The following SUPT3H variants were observed in gnomAD, a reference collection of about 807,000 sequenced individuals.
The protein encoded by SUPT3H is transcription initiation protein SPT3 homolog.
In SUPT3H, 44 loss-of-function variants were observed where a neutral mutation model predicts 44.3. The ratio of observed to expected loss-of-function variants is 0.99; its 90% CI spans 0.78 to 1.28. SUPT3H has a LOEUF of 1.28. SUPT3H is among the 50% of genes most tolerant of loss of function. The pLI is 0.00. For synonymous variants in SUPT3H, 124 were observed against 125.6 expected, an observed-to-expected ratio of 0.99 and a Z score of 0.09; for missense variants, 380 against 387.1, an observed-to-expected ratio of 0.98 and a Z score of 0.15.
chr6:45,116,821 C>T (rs60008411), intron 2 of SUPT3H, among the ~76,000 whole-genome samples: 3,747 of 152,190 alleles, frequency 0.025, 167 homozygotes, highest in African/African-American at 0.085. Context: ...TCACCACAAT[C>T]TAGTTTCAGA....
intron 3 of SUPT3H, among the ~76,000 whole-genome samples, chr6:45,037,917 C>T (rs1466394982): frequency 6.6e-6 from 1 of 151,728 alleles, no homozygotes; most frequent in Non-Finnish European, 1.5e-5. Flanking sequence ...ACTTTTCTTA[C>T]TTTTACACTA....
chr6:44,838,017 T>C (rs1561861086), intron 10 of SUPT3H, among the ~76,000 whole-genome samples: 1 of 152,204 alleles, frequency 6.6e-6, no homozygotes, highest in African/African-American at 2.4e-5. Context: ...GCAATAGCTG[T>C]TTGCCAATGG....
chr6:45,061,020 T>C (rs546883093), intron 3 of SUPT3H, among the ~76,000 whole-genome samples: 13 of 152,224 alleles, frequency 8.5e-5, no homozygotes, highest in African/African-American at 2.2e-4. Flanking sequence ...AGTTTGACCA[T>C]AGTGGAAGAC....
chr6:45,128,756 G>A (rs1802948108), intron 2 of SUPT3H, among the ~76,000 whole-genome samples: 1 of 150,092 alleles, frequency 6.7e-6, no homozygotes, highest in Admixed American at 6.6e-5. Context: ...CACAATCTTG[G>A]CTCACTGCAA....
chr6:44,962,172 T>C lies in SUPT3H; in HGVS notation c.505-344A>G, dbSNP rs117627859. ...AACAGAAAAACTGTTACAAATATTA[T>C]TGTCAATCTGCTTTAAAGCTGTGAT... On this transcript the variant is annotated intron_variant, in intron 6 of 10. Transcript: ENST00000371459. Among the ~76,000 whole-genome samples, 63 of 152,324 alleles carry C rather than the reference T, an allele frequency of 4.1e-4. No homozygotes were observed. The East Asian group carries it at 9.3e-3, about 22-fold the overall frequency.
At chr6:45,285,040 C>G (rs1004729862) in intron 2 of SUPT3H, among the ~76,000 whole-genome samples, 23 of 151,876 alleles carry the variant, frequency 1.5e-4, no homozygotes, top group Non-Finnish European at 3.1e-4. Flanking sequence ...GAAAATTCAA[C>G]AGCCCTTCAT....
chr6:44,932,977 T>C (rs1770834915), intron 9 of SUPT3H, among the ~76,000 whole-genome samples: 1 of 152,102 alleles, frequency 6.6e-6, no homozygotes. Flanking sequence ...CCAAACGCAA[T>C]TTTTATGCCC....
intron 3 of SUPT3H, among the ~76,000 whole-genome samples, chr6:45,077,243 A>G (rs575289324): frequency 6.6e-6 from 1 of 152,304 alleles, no homozygotes; most frequent in East Asian, 1.9e-4. Context: ...TGAACAGACC[A>G]TATACCATAC....
At chr6:45,203,448 T>C (rs1394573607) in intron 2 of SUPT3H, among the ~76,000 whole-genome samples, 1 of 152,152 alleles carries the variant, frequency 6.6e-6, no homozygotes, top group Non-Finnish European at 1.5e-5. Flanking sequence ...CTATCTCTCA[T>C]CTGAACTATT....
intron 3 of SUPT3H, 95 bp downstream of exon 3, chr6:45,105,827 C>A: frequency 4.2e-6 from 4 of 953,464 alleles, no homozygotes; most frequent in Non-Finnish European, 6.2e-6. Flanking sequence ...AAAAAGAATT[C>A]CAGCTGTAAA....
chr6:44,848,643 A>T (rs978132232), intron 10 of SUPT3H, among the ~76,000 whole-genome samples: 3 of 152,192 alleles, frequency 2.0e-5, no homozygotes, highest in Non-Finnish European at 4.4e-5. Flanking sequence ...ACTTACAATT[A>T]TAAGAGAGTC....
chr6:45,118,704 T>A (rs1801182178), intron 2 of SUPT3H, among the ~76,000 whole-genome samples: 1 of 152,096 alleles, frequency 6.6e-6, no homozygotes, highest in Non-Finnish European at 1.5e-5. Flanking sequence ...CTTGGGAAAT[T>A]TTCCATAATA....
rs1219761773 is a variant in SUPT3H at position 45,377,006 on chromosome 6, G to A, written c.-1+762C>T. Among the ~76,000 whole-genome samples the A allele has an allele frequency of 9.2e-5, 14 of 151,796 alleles. No homozygotes were observed. The East Asian group carries it at 2.7e-3, about 29-fold the overall frequency. On this transcript the variant is annotated intron_variant, in intron 1 of 10. Coordinates refer to ENST00000371459, the MANE Select transcript of SUPT3H (RefSeq NM_003599.4). ...CACGTGTACAGTAATACTACGTCCA[G>A]GATCGTCTGAGTGTCAAATATTACA...
At chr6:45,154,713 C>T (rs1807527980) in intron 2 of SUPT3H, among the ~76,000 whole-genome samples, 1 of 152,136 alleles carries the variant, frequency 6.6e-6, no homozygotes, top group Non-Finnish European at 1.5e-5. Flanking sequence ...CTACATCCTG[C>T]CCTGCACCCA....
intron 10 of SUPT3H, among the ~76,000 whole-genome samples, chr6:44,905,547 C>T (rs199807793): frequency 0.34 from 50,638 of 150,790 alleles, 9,361 homozygotes; most frequent in Admixed American, 0.41. Context: ...TGTGGAGAAA[C>T]AGGAACACTT....
At chr6:44,892,710 CAG>C (rs1763497461) in intron 10 of SUPT3H, among the ~76,000 whole-genome samples, 1 of 152,102 alleles carries the variant, frequency 6.6e-6, no homozygotes, top group South Asian at 2.1e-4. Flanking sequence ...GATAGGGAAA[CAG>C]AAGCCCACAT....
chr6:45,041,844 T>G (rs1349806153), intron 3 of SUPT3H, among the ~76,000 whole-genome samples: 1 of 152,164 alleles, frequency 6.6e-6, no homozygotes, highest in Non-Finnish European at 1.5e-5. Flanking sequence ...ATGTCCTCAT[T>G]TCAAATATTG....
At chr6:44,878,749 A>G (rs1777711196) in intron 10 of SUPT3H, among the ~76,000 whole-genome samples, 1 of 152,062 alleles carries the variant, frequency 6.6e-6, no homozygotes, top group Non-Finnish European at 1.5e-5. Flanking sequence ...GGGACTGGTT[A>G]GACAGTGGGT....
chr6:45,316,226 A>G (rs936888122), intron 2 of SUPT3H, among the ~76,000 whole-genome samples: 3 of 152,172 alleles, frequency 2.0e-5, no homozygotes, highest in Non-Finnish European at 4.4e-5. Flanking sequence ...GGTGCAGTGT[A>G]TACTGCTCGG....
Sources: gnomAD v4.1 joint callset for allele counts (sites outside exome capture counted in the v4.1 genomes callset) on GRCh38, gnomAD v4.1.1 for gene constraint, MANE v1.5 for transcripts, NCBI Gene and HGNC (gene_info 2026-07-23, HGNC 2026-07-21) for gene names.